GRID1: variants seen among roughly 807,000 people sequenced by gnomAD.
GRID1 encodes glutamate receptor ionotropic, delta-1.
GRID1 carries 28 observed loss-of-function variants against 98.0 expected under a neutral mutation model. The observed-to-expected ratio is 0.29, with a 90% CI of 0.21 to 0.39. GRID1 has a LOEUF of 0.39. GRID1 is among the 10% of genes least tolerant of loss of function. GRID1 has a pLI of 1.00. For synonymous variants in GRID1, 553 were observed against 538.5 expected, an observed-to-expected ratio of 1.03 and a Z score of -0.37; for missense variants, 1,111 against 1,340.5, an observed-to-expected ratio of 0.83 and a Z score of 2.67.
rs143489768 is a variant in GRID1, at chr10:85,640,807, G to A, written c.2193+6395C>T. ...AGAGGTGATGCCCACATGCAATCTAGTGCAAGAGCAAGCATTAGACCAGGA... is the reference window on the plus strand; with the variant it reads ...AGAGGTGATGCCCACATGCAATCTAATGCAAGAGCAAGCATTAGACCAGGA... On this transcript the variant is annotated intron_variant, in intron 13 of 15. Transcript: ENST00000327946. 3.3e-3 allele frequency among the ~76,000 whole-genome samples: 507 copies of A among 152,332 alleles called. 3 individuals are homozygous for A. The highest frequency in any genetic ancestry group is 0.012 in the African/African-American group (491 of 41,572).
intron 8 of GRID1, among the ~76,000 whole-genome samples, chr10:85,789,189 T>G (rs1331378268): frequency 6.6e-6 from 1 of 152,018 alleles, no homozygotes; most frequent in Non-Finnish European, 1.5e-5. Flanking sequence ...CATCTACATG[T>G]CTATTTATGA....
At chr10:86,247,173 A>C (rs1349933845) in intron 2 of GRID1, among the ~76,000 whole-genome samples, 3 of 152,154 alleles carry the variant, frequency 2.0e-5, no homozygotes, top group African/African-American at 7.2e-5. Context: ...GGATGGATGG[A>C]TGGATGGATA....
chr10:85,774,247 G>C (rs559791945), intron 8 of GRID1, among the ~76,000 whole-genome samples: 62 of 152,214 alleles, frequency 4.1e-4, no homozygotes, highest in African/African-American at 1.5e-3. Flanking sequence ...TTTAATAAAT[G>C]GTGCTGGGAA....
chr10:85,905,662 T>C (rs1231280628), intron 5 of GRID1, among the ~76,000 whole-genome samples: 1 of 152,132 alleles, frequency 6.6e-6, no homozygotes, highest in Non-Finnish European at 1.5e-5. Context: ...TACTGAAATA[T>C]ATGTGGTGTA....
intron 4 of GRID1, among the ~76,000 whole-genome samples, chr10:85,972,479 A>T (rs940699242): frequency 1.1e-4 from 17 of 148,104 alleles, no homozygotes; most frequent in African/African-American, 3.7e-4. Context: ...AAATATATTA[A>T]ATATATTTAT....
At chr10:85,644,627 T>A (rs894843501) in intron 13 of GRID1, among the ~76,000 whole-genome samples, 6 of 152,232 alleles carry the variant, frequency 3.9e-5, no homozygotes, top group African/African-American at 1.4e-4. Context: ...CTACAGGAAG[T>A]GCTACTATGG....
intron 2 of GRID1, among the ~76,000 whole-genome samples, chr10:86,290,744 G>A (rs1847500747): frequency 6.6e-6 from 1 of 152,212 alleles, no homozygotes; most frequent in Admixed American, 6.5e-5. Context: ...GATATGTTTG[G>A]GAGAAATAGG....
intron 4 of GRID1, among the ~76,000 whole-genome samples, chr10:86,069,173 G>C (rs1843761428): frequency 6.6e-6 from 1 of 152,118 alleles, no homozygotes; most frequent in Non-Finnish European, 1.5e-5. Flanking sequence ...TGGCAGGAGG[G>C]GGCTCTGCTC....
At chr10:86,269,232 A>G (rs768635023) in intron 2 of GRID1, among the ~76,000 whole-genome samples, 12 of 152,194 alleles carry the variant, frequency 7.9e-5, no homozygotes, top group Non-Finnish European at 1.6e-4. Context: ...CTAACCTTTG[A>G]TTAGCTCCAA....
rs76113619 is a variant in GRID1, at chr10:85,954,411, C to A, written c.727-38172G>T. On this transcript the variant is annotated intron_variant, in intron 4 of 15. Transcript: ENST00000327946. Reference sequence around the variant, plus strand: ...TATTTAATGGACTGAGAGTAACTGGCAGCAATAGGAAATCTTCAGAAATTA... The same window carrying A: ...TATTTAATGGACTGAGAGTAACTGGAAGCAATAGGAAATCTTCAGAAATTA... Among the ~76,000 whole-genome samples, 857 of 152,248 alleles carry A rather than the reference C, an allele frequency of 5.6e-3. 11 individuals are homozygous for A. The highest frequency in any genetic ancestry group is 0.02 in the African/African-American group (822 of 41,538).
chr10:86,279,949 A>G (rs1847333955), intron 2 of GRID1, among the ~76,000 whole-genome samples: 1 of 152,232 alleles, frequency 6.6e-6, no homozygotes, highest in Admixed American at 6.5e-5. Context: ...CATGCCTCTA[A>G]TCTCAGTGCT....
rs115847598 is a variant in GRID1, at chr10:85,710,074, A to G, written c.1997+12929T>C. On this transcript the variant is annotated intron_variant, in intron 12 of 15. Transcript: ENST00000327946. ...CTGTTCAGAATGATCTACTAATTCA[A>G]TGCAATCTCTAACAAAATTCCAATG... Among the ~76,000 whole-genome samples, 941 of 152,334 alleles carry G rather than the reference A, an allele frequency of 6.2e-3. 8 individuals carry two copies. Among genetic ancestry groups the G allele is most frequent in the African/African-American group, 0.021 (878 of 41,584 alleles).
chr10:85,701,208 C>T lies in GRID1; in HGVS notation c.1997+21795G>A, dbSNP rs1337166993. ...TCTCACTTTGAAAATGCATCATCTC[C>T]GTGGATTTCTTCTTATATTTACAGA... On this transcript the variant is annotated intron_variant, in intron 12 of 15. Transcript: ENST00000327946. 5.3e-5 allele frequency among the ~76,000 whole-genome samples: 8 copies of T among 152,010 alleles called. No individual in the cohort carries two copies. In the East Asian group the frequency reaches 9.6e-4, roughly 18 times the overall value.
rs535890805 is a variant in GRID1, at chr10:85,755,805, T to G, written c.1234-26191A>C. 4.6e-5 allele frequency among the ~76,000 whole-genome samples: 7 copies of G among 152,174 alleles called. No homozygotes were observed. The East Asian group carries it at 9.7e-4, about 21-fold the overall frequency. ...TAGATGGAAAAGGTCTGGAACAAAC[T>G]TGAATTACACAGGCCTCTCCCCTGA... On this transcript the variant is annotated intron_variant, in intron 8 of 15. Transcript: ENST00000327946.
At chr10:85,826,896 A>G (rs187895251) in intron 8 of GRID1, among the ~76,000 whole-genome samples, 252 of 152,282 alleles carry the variant, frequency 1.7e-3, no homozygotes, top group African/African-American at 5.7e-3. Flanking sequence ...TCTTCCCGAA[A>G]TAAAGCTAGT....
chr10:85,865,973 AGAGAGAG>A (rs1293326112), intron 6 of GRID1, among the ~76,000 whole-genome samples: 1 of 126,514 alleles, frequency 7.9e-6, no homozygotes, highest in Non-Finnish European at 1.8e-5. Context: ...AGAGAGAGAG[AGAGAGAG>A]AGAGAGAGAG....
At chr10:86,131,325 G>A (rs752583115) in intron 4 of GRID1, among the ~76,000 whole-genome samples, 57 of 152,288 alleles carry the variant, frequency 3.7e-4, no homozygotes, top group Admixed American at 9.2e-4. Flanking sequence ...AGCAGAAAGG[G>A]TAATTGAGCC....
rs567179117 is a variant in GRID1, at chr10:85,828,744, C to A, written c.1233+25752G>T. ...AAATTCCTGGAAACATACAACCTCC[C>A]AAAATTGAACCAGGAAGTAATGGAA... On this transcript the variant is annotated intron_variant, in intron 8 of 15. Transcript: ENST00000327946. Among the ~76,000 whole-genome samples the A allele has an allele frequency of 1.6e-4, 24 of 152,148 alleles. No homozygotes were observed. The South Asian group carries it at 3.9e-3, about 25-fold the overall frequency.
chr10:85,895,448 C>A (rs1308439985), intron 5 of GRID1, among the ~76,000 whole-genome samples: 1 of 152,094 alleles, frequency 6.6e-6, no homozygotes, highest in Non-Finnish European at 1.5e-5. Flanking sequence ...GGAGCAGATG[C>A]CACAGAATAT....
Sources: gnomAD v4.1 joint callset for allele counts (sites outside exome capture counted in the v4.1 genomes callset) on GRCh38, gnomAD v4.1.1 for gene constraint, MANE v1.5 for transcripts, NCBI Gene and HGNC (gene_info 2026-07-23, HGNC 2026-07-21) for gene names.